Variants in ACSF3 observed in about 807,000 individuals in gnomAD.
ACSF3 encodes the protein malonate--CoA ligase ACSF3, mitochondrial.
In ACSF3, 78 loss-of-function variants were observed where a neutral mutation model predicts 53.2. The ratio of observed to expected loss-of-function variants is 1.47; its 90% CI spans 1.22 to 1.77. The LOEUF is 1.77. ACSF3 is among the 40% of genes most tolerant of loss of function. ACSF3 has a pLI of 0.00. For synonymous variants in ACSF3, 414 were observed against 333.1 expected (o/e 1.24, Z -2.65); for missense variants, 937 against 771.1 (o/e 1.22, Z -2.55).
chr16:89,113,756 CT>C (rs1052032490), intron 5 of ACSF3: 2 of 197,098 alleles, frequency 1.0e-5, no homozygotes, highest in African/African-American at 4.7e-5. Context: ...GGCCCGTGTT[CT>C]CCTGCCAAGC....
chr16:89,100,669 G>T lies in ACSF3; in HGVS notation c.-13G>T. On this transcript the variant is annotated 5_prime_UTR_variant, in exon 3 of 11. Transcript: ENST00000614302. ...TGCCTTGCCTTTCTCCAGCTCGGCC[G>T]CCTGTCAGTGCAATGCTGCCCCATG... 1 of 1,470,496 alleles carries T rather than the reference G, an allele frequency of 6.8e-7. No homozygotes were observed. Among genetic ancestry groups the T allele is most frequent in the Non-Finnish European group, 8.9e-7 (1 of 1,118,402 alleles). 91.1% of individuals were successfully genotyped at this position (1,470,496 alleles called of 1,614,324 possible). A position where few individuals can be genotyped will look rare whatever the true frequency, so the allele number is the denominator to read the frequency against.
intron 5 of ACSF3, chr16:89,113,850 G>C (rs1416027653): frequency 3.6e-6 from 1 of 274,116 alleles, no homozygotes; most frequent in Non-Finnish European, 7.2e-6. Context: ...CCACCCCTTG[G>C]GTGCCGCGGC....
At position 89,155,969 on chromosome 16, in the gene ACSF3, C is replaced by G. The variant is rs1914664468; in HGVS notation, c.*1762C>G. The G allele has an allele frequency of 5.5e-6, 2 of 362,034 alleles. No individual in the cohort carries two copies. Among genetic ancestry groups the G allele is most frequent in the South Asian group, 4.3e-5 (2 of 46,716 alleles). The allele number at this position is 362,034 out of a possible 1,614,324, so 22.4% of individuals were successfully genotyped here. On this transcript the variant is annotated 3_prime_UTR_variant, in exon 11 of 11. Transcript: ENST00000614302. ...CAGAGAGCCTGGAGCTCGTTGACCA[C>G]AAACTACAGAAAGCCTGGAGCTCGT...
At chr16:89,118,338 G>C (rs1423537325) in intron 6 of ACSF3, among the ~76,000 whole-genome samples, 1 of 149,522 alleles carries the variant, frequency 6.7e-6, no homozygotes, top group Non-Finnish European at 1.5e-5. Flanking sequence ...TTGGAAAAAA[G>C]TAAGTAAAGT....
chr16:89,097,933 G>A (rs1200430959), intron 1 of ACSF3, among the ~76,000 whole-genome samples: 1 of 152,188 alleles, frequency 6.6e-6, no homozygotes, highest in Non-Finnish European at 1.5e-5. Context: ...CTCCTGCCTG[G>A]GCCAGAGGCA....
At chr16:89,115,831 T>C (rs1399847788) in intron 6 of ACSF3, among the ~76,000 whole-genome samples, 1 of 152,224 alleles carries the variant, frequency 6.6e-6, no homozygotes, top group African/African-American at 2.4e-5. Flanking sequence ...TTCGTGTCAT[T>C]CCGTTTTCAA....
At chr16:89,107,161 C>G (rs1976086000) in intron 4 of ACSF3, among the ~76,000 whole-genome samples, 1 of 152,198 alleles carries the variant, frequency 6.6e-6, no homozygotes, top group Admixed American at 6.5e-5. Context: ...TTCAGGGGGC[C>G]TCCAGGTCTT....
intron 4 of ACSF3, among the ~76,000 whole-genome samples, chr16:89,109,229 CAAAAAAAAAAAAAA>C (rs773650798): frequency 1.5e-5 from 1 of 68,568 alleles, no homozygotes; most frequent in African/African-American, 5.1e-5. Flanking sequence ...AAGACTGTCT[CAAAAAAAAAAAAAA>C]AAAAAAAGAA....
chr16:89,145,045 G>A lies in ACSF3; in HGVS notation c.1367-222G>A, dbSNP rs72817500. ...CAGGAAGGGCAGACCCCACATCATG[G>A]GCACAGTCCCACCTTGGGACGCACG... is the stretch of plus-strand genomic sequence containing the variant. On this transcript the variant is annotated intron_variant, in intron 8 of 10. Coordinates refer to ENST00000614302, the MANE Select transcript of ACSF3 (RefSeq NM_001243279.3). The A allele has an allele frequency of 0.048, 61,508 of 1,271,666 alleles. 2,107 individuals are homozygous for A. Among genetic ancestry groups the A allele is most frequent in the East Asian group, 0.13 (4,854 of 37,738 alleles). 78.8% of individuals were successfully genotyped at this position (1,271,666 alleles called of 1,614,324 possible).
chr16:89,121,562 A>G (rs1309839133), intron 7 of ACSF3, among the ~76,000 whole-genome samples: 13 of 152,236 alleles, frequency 8.5e-5, no homozygotes, highest in Admixed American at 5.9e-4. Flanking sequence ...TTTAGGGATT[A>G]TGGGGAAATG....
intron 4 of ACSF3, among the ~76,000 whole-genome samples, chr16:89,103,435 G>A (rs1975607758): frequency 6.6e-6 from 1 of 152,240 alleles, no homozygotes; most frequent in Non-Finnish European, 1.5e-5. Context: ...TGTGCCCTTG[G>A]CTCCAGCTGC....
chr16:89,114,468 C>A lies in ACSF3; in HGVS notation c.1107C>A (p.Thr369=), dbSNP rs750959933. Residue 369 remains threonine (T), a synonymous_variant, in exon 6 of 11, where the codon ACC becomes ACA. Coordinates refer to ENST00000614302, the MANE Select transcript of ACSF3 (RefSeq NM_001243279.3). Reference sequence around the variant, plus strand: ...GCATGGCTCTGTCCGGGCCCCTGACCACTGCCGTGCGCCTGCCAGGTACGA... The same window carrying A: ...GCATGGCTCTGTCCGGGCCCCTGACAACTGCCGTGCGCCTGCCAGGTACGA... ...EIGMALSGPL[T]TAVRLPGSVG... 8 of 1,612,990 alleles carry A rather than the reference C, an allele frequency of 5.0e-6. No homozygotes were observed. The highest frequency in any genetic ancestry group is 6.8e-6 in the Non-Finnish European group (8 of 1,179,998).
chr16:89,102,420 G>C, intron 3 of ACSF3, 184 bp from the exon 4 acceptor site: 1 of 688,266 alleles, frequency 1.5e-6, no homozygotes, highest in South Asian at 1.7e-5. Flanking sequence ...TGACCCAGCA[G>C]ATCTGCTGTG....
intron 7 of ACSF3, among the ~76,000 whole-genome samples, chr16:89,132,438 C>T (rs551479298): frequency 6.6e-6 from 1 of 152,244 alleles, no homozygotes; most frequent in African/African-American, 2.4e-5. Context: ...GTTCCTGGTG[C>T]TGCAGGGACC....
chr16:89,142,459 C>T (rs1911954989), intron 8 of ACSF3, among the ~76,000 whole-genome samples: 1 of 152,136 alleles, frequency 6.6e-6, no homozygotes, highest in Non-Finnish European at 1.5e-5. Flanking sequence ...TGGGGATACA[C>T]ACCCACACCT....
chr16:89,124,756 G>A (rs911230395), intron 7 of ACSF3, among the ~76,000 whole-genome samples: 2 of 150,400 alleles, frequency 1.3e-5, no homozygotes, highest in African/African-American at 4.9e-5. Context: ...GTGCAACACT[G>A]CATGTGTATG....
At chr16:89,094,954 T>G (rs918162609) in intron 1 of ACSF3, among the ~76,000 whole-genome samples, 18 of 152,186 alleles carry the variant, frequency 1.2e-4, no homozygotes, top group African/African-American at 4.3e-4. Flanking sequence ...GAAGAATGAT[T>G]AGGAATTTGC....
In ACSF3 at chr16:89,135,673, A is replaced by C. The variant is rs181117006; in HGVS notation, c.1366+2411A>C. ...GTCCATGACTTCCCTTCAAATGCAG[A>C]ATTACAGGAACCGGACTTGAGCAGG... On this transcript the variant is annotated intron_variant, in intron 8 of 10. Transcript: ENST00000614302. Among the ~76,000 whole-genome samples, 60 of 152,348 alleles carry C rather than the reference A, an allele frequency of 3.9e-4. 2 individuals carry two copies. Among genetic ancestry groups the C allele is most frequent in the African/African-American group, 1.3e-3 (55 of 41,586 alleles).
In ACSF3 at chr16:89,098,707, GC is replaced by G; in HGVS notation, c.-75del. On this transcript the variant is annotated 5_prime_UTR_variant, in exon 2 of 11. Coordinates refer to ENST00000614302, the MANE Select transcript of ACSF3 (RefSeq NM_001243279.3). ...TCCACCTGCTGAAGCAGCTGTGCCTGCCGCTCTTGTGAACTGCGAACTTCCC... is the reference window on the plus strand; with the variant it reads ...TCCACCTGCTGAAGCAGCTGTGCCTGCGCTCTTGTGAACTGCGAACTTCCC... 2.2e-6 allele frequency: 1 copy of G among 454,170 alleles called. No individual in the cohort carries two copies. The highest frequency in any genetic ancestry group is 1.6e-5 in the South Asian group (1 of 64,478). 28.1% of individuals were successfully genotyped at this position (454,170 alleles called of 1,614,324 possible).
Sources: gnomAD v4.1 joint callset for allele counts (sites outside exome capture counted in the v4.1 genomes callset) on GRCh38, gnomAD v4.1.1 for gene constraint, MANE v1.5 for transcripts, NCBI Gene and HGNC (gene_info 2026-07-23, HGNC 2026-07-21) for gene names.